Variants in RASAL2 observed in about 807,000 individuals in gnomAD.
RASAL2 encodes RAS protein activator like 2.
Under a neutral mutation model 128.9 loss-of-function variants are expected in RASAL2, and 58 were observed. That is an observed-to-expected ratio of 0.45 (90% CI 0.36 to 0.56). The LOEUF is 0.56. RASAL2 is among the 20% of genes least tolerant of loss of function. The pLI is 0.00. For synonymous variants in RASAL2, 561 were observed against 580.8 expected (o/e 0.97, Z 0.49); for missense variants, 1,360 against 1,601.6 (o/e 0.85, Z 2.57).
At chr1:178,228,175 G>A (rs928161419) in intron 1 of RASAL2, among the ~76,000 whole-genome samples, 1 of 152,120 alleles carries the variant, frequency 6.6e-6, no homozygotes, top group Non-Finnish European at 1.5e-5. Flanking sequence ...CTTGTGTAGT[G>A]TGTCTTCCTC....
intron 4 of RASAL2, among the ~76,000 whole-genome samples, chr1:178,400,787 GTCAC>G (rs1369454360): frequency 1.3e-5 from 2 of 152,176 alleles, no homozygotes; most frequent in African/African-American, 2.4e-5. Flanking sequence ...CGGTGTCTCA[GTCAC>G]TCAGGTTGGA....
chr1:178,473,053 A>G, intron 17 of RASAL2, 22 bp from the exon 18 acceptor site: 1 of 1,613,174 alleles, frequency 6.2e-7, no homozygotes, highest in Non-Finnish European at 8.5e-7. Flanking sequence ...GCCTGAATAA[A>G]GCCATGATTG....
intron 3 of RASAL2, among the ~76,000 whole-genome samples, chr1:178,326,154 A>AT (rs1014821161): frequency 6.6e-5 from 10 of 152,048 alleles, no homozygotes; most frequent in African/African-American, 9.7e-5. Context: ...ATAAATAAGA[A>AT]TTTTTTTTAA....
At chr1:178,207,281 A>T (rs1663084608) in intron 1 of RASAL2, among the ~76,000 whole-genome samples, 1 of 152,222 alleles carries the variant, frequency 6.6e-6, no homozygotes, top group African/African-American at 2.4e-5. Context: ...GGAAAAAATA[A>T]ATACAGTTTG....
At chr1:178,216,773 G>T (rs1210459910) in intron 1 of RASAL2, among the ~76,000 whole-genome samples, 2 of 151,988 alleles carry the variant, frequency 1.3e-5, no homozygotes, top group Non-Finnish European at 2.9e-5. Context: ...CTGATTAGCT[G>T]GGATTACAGG....
intron 3 of RASAL2, among the ~76,000 whole-genome samples, chr1:178,383,792 C>G (rs1672406336): frequency 6.6e-6 from 1 of 152,154 alleles, no homozygotes; most frequent in South Asian, 2.1e-4. Flanking sequence ...TTGCTTATTT[C>G]ATTCATTAAT....
At position 178,473,183 on chromosome 1, in the gene RASAL2, A is replaced by G. The variant is rs1648436693; in HGVS notation, c.3787A>G (p.Asn1263Asp). 1.9e-6 allele frequency: 3 copies of G among 1,614,154 alleles called. No homozygotes were observed. The highest frequency in any genetic ancestry group is 2.5e-6 in the Non-Finnish European group (3 of 1,180,014). ...MQVRNGISPT[N>D]PTKLSITENG... Reference sequence around the variant, plus strand: ...GGTCCGCAATGGCATCTCCCCCACCAACCCCACCAAGCTTTCCATCACGGA... The same window carrying G: ...GGTCCGCAATGGCATCTCCCCCACCGACCCCACCAAGCTTTCCATCACGGA... Residue 1263 changes from asparagine (N) to aspartate (D), a missense_variant, in exon 18 of 18, where the codon AAC becomes GAC. Around this residue, in one of 3 missense-constraint regions of RASAL2, gnomAD observed 741 missense variants for 868.6 expected, o/e 0.85. Coordinates refer to ENST00000367649, the MANE Select transcript of RASAL2 (RefSeq NM_170692.4).
chr1:178,274,859 A>T (rs1419097977), intron 1 of RASAL2, among the ~76,000 whole-genome samples: 1 of 152,158 alleles, frequency 6.6e-6, no homozygotes, highest in African/African-American at 2.4e-5. Context: ...CCAAAGTGCT[A>T]GGATTACAGG....
intron 5 of RASAL2, among the ~76,000 whole-genome samples, chr1:178,427,896 C>T (rs925115613): frequency 6.6e-6 from 1 of 152,094 alleles, no homozygotes; most frequent in Non-Finnish European, 1.5e-5. Flanking sequence ...AAAGAACTCC[C>T]TATGCTACCC....
intron 3 of RASAL2, among the ~76,000 whole-genome samples, chr1:178,318,970 C>A (rs1233162117): frequency 2.0e-5 from 3 of 151,980 alleles, no homozygotes; most frequent in African/African-American, 7.3e-5. Context: ...CCTTCAGGAG[C>A]TCTTTTAGGG....
chr1:178,139,872 C>T (rs1191521256), intron 1 of RASAL2, among the ~76,000 whole-genome samples: 3 of 151,926 alleles, frequency 2.0e-5, no homozygotes, highest in South Asian at 4.2e-4. Context: ...TTAATGAGCT[C>T]CTCTTTGTGA....
chr1:178,281,769 C>T (rs1666794352), intron 1 of RASAL2, among the ~76,000 whole-genome samples: 1 of 152,020 alleles, frequency 6.6e-6, no homozygotes, highest in Non-Finnish European at 1.5e-5. Flanking sequence ...CTGTTGAAGT[C>T]GTCTTGGTAT....
chr1:178,197,611 G>GAAA (rs57628750), intron 1 of RASAL2, among the ~76,000 whole-genome samples: 3 of 94,270 alleles, frequency 3.2e-5, no homozygotes, highest in East Asian at 3.5e-4. Flanking sequence ...TCCATCTGGG[G>GAAA]AAAAAAAAAA....
chr1:178,156,945 ATTT>A (rs1661105768), intron 1 of RASAL2, among the ~76,000 whole-genome samples: 1 of 152,194 alleles, frequency 6.6e-6, no homozygotes, highest in Non-Finnish European at 1.5e-5. Context: ...ATAATGTATT[ATTT>A]AATCTATAAA....
In RASAL2 at chr1:178,443,004, A is replaced by G. The variant is rs1282076113; in HGVS notation, c.1257A>G (p.Thr419=). Residue 419 remains threonine (T), a synonymous_variant, in exon 8 of 18, where the codon ACA becomes ACG. Transcript: ENST00000367649. The part of the protein sequence containing the change: ...QFVEKWYPVS[T]PTPNKGKTGG... ...TAGAAAAGTGGTATCCAGTGAGTAC[A>G]CCTACACCCAACAAAGGAAAGACAG... 1 of 1,614,038 alleles carries G rather than the reference A, an allele frequency of 6.2e-7. No individual in the cohort carries two copies. Among genetic ancestry groups the G allele is most frequent in the South Asian group, 1.1e-5 (1 of 91,074 alleles).
At chr1:178,445,267 A>T (rs1676921774) in intron 8 of RASAL2, among the ~76,000 whole-genome samples, 2 of 152,186 alleles carry the variant, frequency 1.3e-5, no homozygotes, top group Admixed American at 1.3e-4. Flanking sequence ...ACCAGAAAAT[A>T]TAGGGACTTG....
chr1:178,203,191 T>G (rs1172934853), intron 1 of RASAL2, among the ~76,000 whole-genome samples: 1 of 152,208 alleles, frequency 6.6e-6, no homozygotes, highest in Non-Finnish European at 1.5e-5. Context: ...AAGGAATGCC[T>G]TATCCACTGT....
At chr1:178,111,401 G>A (rs1240217973) in intron 1 of RASAL2, among the ~76,000 whole-genome samples, 2 of 152,132 alleles carry the variant, frequency 1.3e-5, no homozygotes, top group Admixed American at 6.6e-5. Context: ...GAGCCACCAT[G>A]CCTGACCTTG....
At chr1:178,309,422 G>C (rs544499259) in intron 3 of RASAL2, among the ~76,000 whole-genome samples, 44 of 152,244 alleles carry the variant, frequency 2.9e-4, no homozygotes, top group African/African-American at 1.0e-3. Flanking sequence ...ATAAGCTCAA[G>C]AATTATCAAA....
Sources: gnomAD v4.1 joint callset for allele counts (sites outside exome capture counted in the v4.1 genomes callset) on GRCh38, gnomAD v4.1.1 for gene constraint, gnomAD v4.1.1 regional missense constraint, MANE v1.5 for transcripts, NCBI Gene and HGNC (gene_info 2026-07-23, HGNC 2026-07-21) for gene names.